Variants in ADAMTS2 observed in about 807,000 individuals in gnomAD.
ADAMTS2 encodes ADAM metallopeptidase with thrombospondin type 1 motif 2, also known as A disintegrin and metalloproteinase with thrombospondin motifs 2.
ADAMTS2 carries 50 observed loss-of-function variants against 123.0 expected under a neutral mutation model. The observed-to-expected ratio is 0.41, with a 90% CI of 0.32 to 0.51. ADAMTS2 has a LOEUF of 0.51. Ranked by LOEUF, ADAMTS2 falls within the 20% of genes least tolerant of loss-of-function variation. The probability of loss-of-function intolerance (pLI) is 0.35; values close to 1 mark genes in which losing one functional copy is unlikely to be tolerated. For missense variants in ADAMTS2, 1,494 were observed against 1,705.2 expected (o/e 0.88, Z 2.18); for synonymous variants, 678 against 695.4 (o/e 0.98, Z 0.39).
rs60605601 is a variant in ADAMTS2 at position 179,115,693 on chromosome 5, GGAAAGGGAGGGA to G, written c.3179-1381_3179-1370del. ...AGGGACAAAAGGAAGAAAGGGAGGA[GGAAAGGGAGGGA>G]GAAAGGGAGGGAGAAAGGCTCAGGC... On this transcript the variant is annotated intron_variant, in intron 21 of 21. Coordinates refer to ENST00000251582, the MANE Select transcript of ADAMTS2 (RefSeq NM_014244.5). The surrounding 1 kb of genome is among the most constrained non-coding windows in gnomAD (Gnocchi z 4.4). Among the ~76,000 whole-genome samples the G allele has an allele frequency of 3.4e-3, 514 of 152,158 alleles. 3 individuals carry two copies. Among genetic ancestry groups the G allele is most frequent in the African/African-American group, 0.011 (436 of 41,452 alleles).
intron 3 of ADAMTS2, among the ~76,000 whole-genome samples, chr5:179,221,328 A>G (rs1561812968): frequency 6.6e-6 from 1 of 152,108 alleles, no homozygotes; most frequent in Admixed American, 6.5e-5. Context: ...CCGAGCTTCC[A>G]ATGGCCCATG....
At chr5:179,182,213 G>A (rs767247532) in intron 4 of ADAMTS2, among the ~76,000 whole-genome samples, 18 of 152,180 alleles carry the variant, frequency 1.2e-4, no homozygotes, top group East Asian at 5.8e-4. Context: ...CTGCTTGCAT[G>A]CCCAGAGCCA....
At chr5:179,287,319 A>C (rs1756048780) in intron 2 of ADAMTS2, among the ~76,000 whole-genome samples, 1 of 152,184 alleles carries the variant, frequency 6.6e-6, no homozygotes, top group Non-Finnish European at 1.5e-5. Context: ...GCATTCTCAC[A>C]TGGGGACACG....
chr5:179,224,479 CAGAA>C (rs1479873524), intron 3 of ADAMTS2, among the ~76,000 whole-genome samples: 1 of 152,220 alleles, frequency 6.6e-6, no homozygotes, highest in Non-Finnish European at 1.5e-5. Flanking sequence ...TCTGCATTTC[CAGAA>C]AGAAATATAC....
At position 179,111,587 on chromosome 5, in the gene ADAMTS2, G is replaced by A. The variant is rs1364630602; in HGVS notation, c.*2280C>T. The A allele has an allele frequency of 1.3e-5, 2 of 152,274 alleles. No individual in the cohort carries two copies. The highest frequency in any genetic ancestry group is 2.9e-5 in the Non-Finnish European group (2 of 68,066). The allele number at this position is 152,274 out of a possible 1,614,324, so 9.4% of individuals were successfully genotyped here. A position where few individuals can be genotyped will look rare whatever the true frequency, so the allele number is the denominator to read the frequency against. On this transcript the variant is annotated 3_prime_UTR_variant, in exon 22 of 22. Coordinates refer to ENST00000251582, the MANE Select transcript of ADAMTS2 (RefSeq NM_014244.5). ...AGCGGAAGACAGGTGCCCAGGGAAT[G>A]TCCCAGCTGGGCCTCTTCCCAAAGG...
chr5:179,329,184 G>A (rs553659919), intron 2 of ADAMTS2, among the ~76,000 whole-genome samples: 113 of 152,158 alleles, frequency 7.4e-4, no homozygotes, highest in Non-Finnish European at 1.2e-3. Context: ...AAAATTAGCC[G>A]GGTGTGGTGG....
intron 2 of ADAMTS2, among the ~76,000 whole-genome samples, chr5:179,327,823 G>A (rs752713545): frequency 7.2e-5 from 11 of 152,040 alleles, no homozygotes; most frequent in Non-Finnish European, 1.5e-4. Context: ...GACATAAAAC[G>A]AAAACATGTT....
chr5:179,152,996 A>G (rs73807259), intron 9 of ADAMTS2, among the ~76,000 whole-genome samples: 4,614 of 152,258 alleles, frequency 0.03, 219 homozygotes, highest in African/African-American at 0.1. Flanking sequence ...GCTCATAGAC[A>G]CTGAAGCTCC....
At chr5:179,254,999 T>TGATGGATG (rs35912390) in intron 3 of ADAMTS2, among the ~76,000 whole-genome samples, 4 of 151,680 alleles carry the variant, frequency 2.6e-5, no homozygotes, top group African/African-American at 9.7e-5. Flanking sequence ...GGATGATGAA[T>TGATGGATG]GATGGATGGA....
chr5:179,214,479 C>T (rs114183357), intron 3 of ADAMTS2, among the ~76,000 whole-genome samples: 34 of 152,238 alleles, frequency 2.2e-4, no homozygotes, highest in African/African-American at 7.5e-4. Flanking sequence ...GAAATGCTTC[C>T]ATAGAAGAGT....
intron 2 of ADAMTS2, among the ~76,000 whole-genome samples, chr5:179,286,786 A>G (rs1756033020): frequency 1.3e-5 from 2 of 152,130 alleles, no homozygotes; most frequent in East Asian, 3.9e-4. Flanking sequence ...CTAGAGCTCT[A>G]AAATTAAGGT....
intron 4 of ADAMTS2, among the ~76,000 whole-genome samples, chr5:179,186,763 C>G (rs1318834009): frequency 1.3e-5 from 2 of 151,948 alleles, no homozygotes; most frequent in Non-Finnish European, 2.9e-5. Flanking sequence ...CCCCTCCTCC[C>G]CCGGCCCCAC....
In ADAMTS2 at chr5:179,132,462, G is replaced by A. The variant is rs1762981544; in HGVS notation, c.2210-152C>T. The A allele has an allele frequency of 9.3e-6, 8 of 862,416 alleles. No individual in the cohort carries two copies. Among genetic ancestry groups the A allele is most frequent in the Admixed American group, 2.0e-5 (1 of 48,904 alleles). 53.4% of individuals were successfully genotyped at this position (862,416 alleles called of 1,614,324 possible). A position where few individuals can be genotyped will look rare whatever the true frequency, so the allele number is the denominator to read the frequency against. ...TCTCTGGCTTTGAGGACCCACCTGA[G>A]AGGGGCCACCAGGAAAGCTGCTGCC... is the stretch of plus-strand genomic sequence containing the variant. On this transcript the variant is annotated intron_variant, in intron 14 of 21. Coordinates refer to ENST00000251582, the MANE Select transcript of ADAMTS2 (RefSeq NM_014244.5). This position sits in a 1 kb window ranked among gnomAD's most constrained non-coding sequence, Gnocchi z 6.1.
intron 2 of ADAMTS2, among the ~76,000 whole-genome samples, chr5:179,304,407 T>G (rs1756617414): frequency 6.6e-6 from 1 of 152,170 alleles, no homozygotes; most frequent in Admixed American, 6.5e-5. Context: ...TAACTGACAA[T>G]GATCTTAAAG....
At chr5:179,227,933 A>C (rs1048299227) in intron 3 of ADAMTS2, among the ~76,000 whole-genome samples, 1 of 151,918 alleles carries the variant, frequency 6.6e-6, no homozygotes, top group South Asian at 2.1e-4. Context: ...TGAGAGGGGG[A>C]GTCACAGCTT....
chr5:179,220,830 G>A (rs868616111), intron 3 of ADAMTS2, among the ~76,000 whole-genome samples: 7 of 152,234 alleles, frequency 4.6e-5, no homozygotes, highest in African/African-American at 1.7e-4. Flanking sequence ...GTTCATGCAG[G>A]GTGGGCGTGG....
chr5:179,239,736 C>T (rs1765619017), intron 3 of ADAMTS2, among the ~76,000 whole-genome samples: 1 of 152,054 alleles, frequency 6.6e-6, no homozygotes, highest in South Asian at 2.1e-4. Flanking sequence ...CAAGGAGCGT[C>T]CAGGACAGAG....
intron 6 of ADAMTS2, among the ~76,000 whole-genome samples, chr5:179,157,913 G>A (rs888499214): frequency 6.6e-6 from 1 of 151,874 alleles, no homozygotes; most frequent in African/African-American, 2.4e-5. Context: ...CTTTTGAAAT[G>A]TGCTACTATT....
chr5:179,171,241 G>T (rs1581166911), intron 5 of ADAMTS2, among the ~76,000 whole-genome samples: 1 of 152,260 alleles, frequency 6.6e-6, no homozygotes, highest in East Asian at 1.9e-4. Context: ...CTGCTCCCAG[G>T]ATGGCCTCTC....
Sources: allele counts gnomAD v4.1 joint callset (sites outside exome capture counted in the v4.1 genomes callset), GRCh38; gene constraint gnomAD v4.1.1; non-coding constraint Gnocchi (gnomAD v3.1); transcripts MANE v1.5; gene names NCBI Gene and HGNC (gene_info 2026-07-23, HGNC 2026-07-21).